The following MYCBP2 variants were observed in gnomAD, a reference collection of about 807,000 sequenced individuals.
MYCBP2 encodes E3 ubiquitin-protein ligase MYCBP2.
In MYCBP2, 120 loss-of-function variants were observed where a neutral mutation model predicts 525.3. The observed-to-expected ratio is 0.23, with a 90% CI of 0.20 to 0.27. The LOEUF (loss-of-function observed/expected upper bound fraction) is 0.27. Ranked by LOEUF, MYCBP2 falls within the 10% of genes least tolerant of loss-of-function variation. The probability of loss-of-function intolerance (pLI) is 1.00; values close to 1 mark genes in which losing one functional copy is unlikely to be tolerated. For missense variants in MYCBP2, 4,149 were observed against 5,657.1 expected (o/e 0.73, Z 8.55); for synonymous variants, 1,894 against 1,955.8 (o/e 0.97, Z 0.83).
intron 38 of MYCBP2, among the ~76,000 whole-genome samples, chr13:77,170,236 T>C (rs2059002390): frequency 6.6e-6 from 1 of 152,196 alleles, no homozygotes; most frequent in Non-Finnish European, 1.5e-5. Context: ...TCCAAAAATG[T>C]TTACTGTTAT....
intron 24 of MYCBP2, 40 bp from the exon 25 acceptor site, chr13:77,205,638 A>T (rs375923506): frequency 3.2e-4 from 501 of 1,583,748 alleles, no homozygotes; most frequent in Non-Finnish European, 4.1e-4. Flanking sequence ...CCTTGAAATT[A>T]AAATGTCCTA....
At chr13:77,106,793 T>C (rs2047924400) in intron 55 of MYCBP2, among the ~76,000 whole-genome samples, 1 of 152,114 alleles carries the variant, frequency 6.6e-6, no homozygotes, top group Admixed American at 6.6e-5. Flanking sequence ...TGTAGGTTTG[T>C]TACATGGGTA....
chr13:77,084,317 C>T (rs896496669), intron 62 of MYCBP2, among the ~76,000 whole-genome samples: 3 of 152,098 alleles, frequency 2.0e-5, no homozygotes, highest in African/African-American at 7.2e-5. Context: ...CAATGTAAGC[C>T]CATCAAACTT....
chr13:77,305,317 G>A (rs936933972), intron 1 of MYCBP2, among the ~76,000 whole-genome samples: 3 of 151,986 alleles, frequency 2.0e-5, no homozygotes. Context: ...AATGTATAAA[G>A]TGTAGCACTT....
Position 77,165,542 on chromosome 13 carries a change from C to A in MYCBP2, c.6341-151G>T, listed in dbSNP as rs1209166777. The A allele has an allele frequency of 5.2e-6, 3 of 578,646 alleles. No homozygotes were observed. In the African/African-American group the frequency reaches 5.9e-5, roughly 11 times the overall value. 35.8% of individuals were successfully genotyped at this position (578,646 alleles called of 1,614,324 possible). A position where few individuals can be genotyped will look rare whatever the true frequency, so the allele number is the denominator to read the frequency against. On this transcript the variant is annotated intron_variant, in intron 41 of 82. Transcript: ENST00000544440. ...ACTTAAATAGACTTGCGGCGGGGAG[C>A]GTTCCTATATCTACTTGAGGAAACT...
At chr13:77,173,105 G>A (rs183873748) in intron 37 of MYCBP2, among the ~76,000 whole-genome samples, 3 of 152,292 alleles carry the variant, frequency 2.0e-5, no homozygotes, top group East Asian at 3.9e-4. Context: ...AGGGCTCAGA[G>A]GTCATGAAGG....
In MYCBP2 at chr13:77,308,687, G is replaced by A. The variant is rs192357109; in HGVS notation, c.303-12013C>T. ...TTCAAGTGCAGTAGTTATTTTGAGAGGTGATCCCAGGAAAAACACCAGTAG... is the reference window on the plus strand; with the variant it reads ...TTCAAGTGCAGTAGTTATTTTGAGAAGTGATCCCAGGAAAAACACCAGTAG... On this transcript the variant is annotated intron_variant, in intron 1 of 82. Coordinates refer to ENST00000544440, the MANE Select transcript of MYCBP2 (RefSeq NM_015057.5). Among the ~76,000 whole-genome samples, 298 of 152,290 alleles carry A rather than the reference G, an allele frequency of 2.0e-3. 3 individuals are homozygous for A. The highest frequency in any genetic ancestry group is 2.1e-3 in the Non-Finnish European group (146 of 68,020).
chr13:77,068,333 C>A (rs1263509086), intron 70 of MYCBP2, among the ~76,000 whole-genome samples: 2 of 149,846 alleles, frequency 1.3e-5, no homozygotes, highest in South Asian at 2.1e-4. Context: ...TAATCAGTAG[C>A]CAGAATACTC....
chr13:77,057,203 T>C (rs2038274602), intron 78 of MYCBP2, 110 bp from the exon 79 acceptor site: 2 of 701,136 alleles, frequency 2.9e-6, no homozygotes, highest in Non-Finnish European at 4.8e-6. Flanking sequence ...AAGAGAAAAA[T>C]CAAGAAATTT....
chr13:77,282,407 T>C (rs943087529), intron 3 of MYCBP2, among the ~76,000 whole-genome samples: 3 of 147,776 alleles, frequency 2.0e-5, no homozygotes, highest in Non-Finnish European at 3.0e-5. Context: ...TGAAACTCCA[T>C]CTTGAAAAAA....
At chr13:77,255,085 C>T (rs2071932931) in intron 14 of MYCBP2, among the ~76,000 whole-genome samples, 1 of 151,972 alleles carries the variant, frequency 6.6e-6, no homozygotes, top group Non-Finnish European at 1.5e-5. Context: ...CTCTGACATA[C>T]AGATTTCCTT....
chr13:77,124,212 A>T (rs1208092251), intron 54 of MYCBP2, among the ~76,000 whole-genome samples: 1 of 152,148 alleles, frequency 6.6e-6, no homozygotes, highest in Non-Finnish European at 1.5e-5. Context: ...CGTTAGTTTA[A>T]ATTCTAGAGC....
At chr13:77,108,833 A>G (rs1362877304) in intron 55 of MYCBP2, among the ~76,000 whole-genome samples, 1 of 151,738 alleles carries the variant, frequency 6.6e-6, no homozygotes, top group Non-Finnish European at 1.5e-5. Context: ...CTTCCTGAGT[A>G]GCTGGGACTA....
intron 55 of MYCBP2, chr13:77,118,244 C>A: frequency 3.4e-6 from 2 of 590,844 alleles, no homozygotes; most frequent in South Asian, 2.1e-5. Context: ...TAAAAAAAAC[C>A]AGTCAGGTGA....
chr13:77,055,804 T>G, intron 79 of MYCBP2, 37 bp from the exon 80 acceptor site: 1 of 1,483,662 alleles, frequency 6.7e-7, no homozygotes, highest in Middle Eastern at 1.8e-4. Flanking sequence ...GCAGAATCAT[T>G]TATTAACCAA....
Position 77,090,106 on chromosome 13 carries a change from C to T in MYCBP2, c.10525G>A (p.Glu3509Lys). Residue 3509 changes from glutamate to lysine, a missense_variant and splice_region_variant, in exon 60 of 83, where the codon GAA (glutamate) becomes AAA (lysine). This residue lies in a region of MYCBP2 where 509 missense variants were observed against 789.4 expected (regional missense o/e 0.64). Coordinates refer to ENST00000544440, the MANE Select transcript of MYCBP2 (RefSeq NM_015057.5). ...PRRRVNSGDT[E>K]VGSSLLRHPS... ...TATTCTTTTTTATCCTCATACTTACCAGTGTCTCCACTGTTAACTCTTCTT... is the reference window on the plus strand; with the variant it reads ...TATTCTTTTTTATCCTCATACTTACTAGTGTCTCCACTGTTAACTCTTCTT... 1 of 1,605,496 alleles carries T rather than the reference C, an allele frequency of 6.2e-7. No homozygotes were observed. The highest frequency in any genetic ancestry group is 8.5e-7 in the Non-Finnish European group (1 of 1,175,936).
chr13:77,286,549 C>G (rs1279840099), intron 3 of MYCBP2, among the ~76,000 whole-genome samples: 1 of 149,982 alleles, frequency 6.7e-6, no homozygotes, highest in South Asian at 2.1e-4. Context: ...GTCAGGAGAT[C>G]GAGACCATCC....
At chr13:77,318,850 A>C (rs1181873537) in intron 1 of MYCBP2, among the ~76,000 whole-genome samples, 1 of 152,182 alleles carries the variant, frequency 6.6e-6, no homozygotes, top group African/African-American at 2.4e-5. Context: ...ATCAGACTGA[A>C]CATGCCACCC....
At position 77,266,746 on chromosome 13, in the gene MYCBP2, GAAA is replaced by G. The variant is rs56408804; in HGVS notation, c.1357+1092_1357+1094del. On this transcript the variant is annotated intron_variant, in intron 8 of 82. Coordinates refer to ENST00000544440, the MANE Select transcript of MYCBP2 (RefSeq NM_015057.5). ...AAAGACATGGTCCAGGACTTGTAAT[GAAA>G]AAAAAAAAAAAAAAAAAAACCCTGT... is the stretch of plus-strand genomic sequence containing the variant. Among the ~76,000 whole-genome samples, 174 of 89,408 alleles carry G rather than the reference GAAA, an allele frequency of 1.9e-3. 1 individual carries two copies. The highest frequency in any genetic ancestry group is 7.1e-3 in the Middle Eastern group (1 of 140). The allele number at this position is 89,408 out of a possible 152,430, so 58.7% of individuals were successfully genotyped here. A position where few individuals can be genotyped will look rare whatever the true frequency, so the allele number is the denominator to read the frequency against.
Sources: gnomAD v4.1 joint callset for allele counts (sites outside exome capture counted in the v4.1 genomes callset) on GRCh38, gnomAD v4.1.1 for gene constraint, gnomAD v4.1.1 regional missense constraint, MANE v1.5 for transcripts, NCBI Gene and HGNC (gene_info 2026-07-23, HGNC 2026-07-21) for gene names.